The following MYO1B variants were observed in gnomAD, a reference collection of about 807,000 sequenced individuals.
MYO1B encodes the protein unconventional myosin-Ib.
In MYO1B, 72 loss-of-function variants were observed where a neutral mutation model predicts 159.7. The observed-to-expected ratio is 0.45, with a 90% CI of 0.37 to 0.55. The LOEUF (loss-of-function observed/expected upper bound fraction) is 0.55, where lower values mean the gene tolerates loss of function less well. MYO1B is among the 20% of genes least tolerant of loss of function. MYO1B has a pLI of 0.00. For missense variants in MYO1B, 1,062 were observed against 1,364.8 expected (o/e 0.78, Z 3.50); for synonymous variants, 468 against 473.8 (o/e 0.99, Z 0.16).
intron 1 of MYO1B, among the ~76,000 whole-genome samples, chr2:191,251,512 G>A (rs779246307): frequency 1.3e-5 from 2 of 152,212 alleles, no homozygotes; most frequent in African/African-American, 4.8e-5. Context: ...GATAGCTTAA[G>A]AGAGGCTTAA....
At chr2:191,395,262 C>A (rs1430511923) in intron 20 of MYO1B, among the ~76,000 whole-genome samples, 1 of 152,082 alleles carries the variant, frequency 6.6e-6, no homozygotes, top group African/African-American at 2.4e-5. Context: ...AGAGATTTTC[C>A]ACCTCTTCAT....
rs984835460 is a variant in MYO1B at position 191,330,008 on chromosome 2, G to A, written c.325G>A (p.Glu109Lys). 9 of 1,612,044 alleles carry A rather than the reference G, an allele frequency of 5.6e-6. No homozygotes were observed. The highest frequency in any genetic ancestry group is 7.6e-6 in the Non-Finnish European group (9 of 1,178,740). ...DKDQCILITG[E>K]SGAGKTEASK... ...GGACCAATGTATTCTCATTACTGGG[G>A]AAAGTGGAGCAGGAAAAACAGGTAA... The change falls in exon 4 of 31, where the codon GAA becomes AAA. Residue 109 changes from glutamate (E) to lysine (K), a missense_variant. Glu to Lys is a moderately conservative substitution (Grantham distance 56). Coordinates refer to ENST00000392318, the MANE Select transcript of MYO1B (RefSeq NM_001130158.3).
chr2:191,360,708 G>GATATCA lies in MYO1B; in HGVS notation c.640_641insATATCA (p.Gly214delinsAspIleSer). On this transcript the variant is annotated protein_altering_variant, in exon 8 of 31. Transcript: ENST00000392318. ...CCATGTGTTCTATCAGCTGCTCTCT[G>GATATCA]GTGCCTCTGAAGAGCTCCTCAGTAA... is the stretch of plus-strand genomic sequence containing the variant. The GATATCA allele has an allele frequency of 6.2e-7, 1 of 1,611,674 alleles. No homozygotes were observed. Among genetic ancestry groups the GATATCA allele is most frequent in the African/African-American group, 1.3e-5 (1 of 74,944 alleles).
At position 191,411,124 on chromosome 2, in the gene MYO1B, T is replaced by A; in HGVS notation, c.2825T>A (p.Leu942Gln). ...CAGAAACTTATTTATGAAGAGAAAC[T>A]AGAAGCCAGTGAACTCTTCAAAGAC... The part of the protein sequence containing the change: ...DQQKLIYEEK[L>Q]EASELFKDKK... The change falls in exon 27 of 31, where the codon CTA becomes CAA. Residue 942 changes from leucine to glutamine, a missense_variant. By Grantham distance (113) the Leu-to-Gln change is moderately radical. This residue lies in a region of MYO1B where 609 missense variants were observed against 744.4 expected (regional missense o/e 0.82). Transcript: ENST00000392318. 6.2e-7 allele frequency: 1 copy of A among 1,612,564 alleles called. No individual in the cohort carries two copies. Among genetic ancestry groups the A allele is most frequent in the Admixed American group, 1.7e-5 (1 of 59,820 alleles).
chr2:191,392,669 G>C (rs886197912), intron 19 of MYO1B, among the ~76,000 whole-genome samples: 1 of 152,190 alleles, frequency 6.6e-6, no homozygotes, highest in Non-Finnish European at 1.5e-5. Flanking sequence ...GAATAGATGA[G>C]TGTGAAGTGT....
chr2:191,254,242 C>T (rs916947978), intron 1 of MYO1B, among the ~76,000 whole-genome samples: 5 of 152,048 alleles, frequency 3.3e-5, no homozygotes, highest in African/African-American at 1.2e-4. Flanking sequence ...GACAGAGTTT[C>T]GCTCTTGCTG....
intron 1 of MYO1B, among the ~76,000 whole-genome samples, chr2:191,274,382 A>G (rs1288759879): frequency 6.6e-6 from 1 of 152,224 alleles, no homozygotes; most frequent in Non-Finnish European, 1.5e-5. Flanking sequence ...AATTACAGAG[A>G]AAGATTGGCT....
chr2:191,384,522 AT>A (rs1171341739), intron 15 of MYO1B, among the ~76,000 whole-genome samples: 1 of 152,252 alleles, frequency 6.6e-6, no homozygotes, highest in East Asian at 1.9e-4. Context: ...TCAATAAGAA[AT>A]AAACTGTGTT....
Position 191,364,394 on chromosome 2 carries a change from C to T in MYO1B, c.1032+118C>T, listed in dbSNP as rs181795049. ...TACCTGAATCGTACTATGTTCTAGGCATTGGGAACAGAGCAGTAAACTAAA... is the reference window on the plus strand; with the variant it reads ...TACCTGAATCGTACTATGTTCTAGGTATTGGGAACAGAGCAGTAAACTAAA... On this transcript the variant is annotated intron_variant, in intron 11 of 30. Coordinates refer to ENST00000392318, the MANE Select transcript of MYO1B (RefSeq NM_001130158.3). 3 of 773,610 alleles carry T rather than the reference C, an allele frequency of 3.9e-6. No homozygotes were observed. The Admixed American group carries it at 6.6e-5, about 17-fold the overall frequency. The allele number at this position is 773,610 out of a possible 1,614,324, so 47.9% of individuals were successfully genotyped here.
At chr2:191,324,138 A>G (rs1690905342) in intron 3 of MYO1B, among the ~76,000 whole-genome samples, 1 of 152,072 alleles carries the variant, frequency 6.6e-6, no homozygotes, top group Non-Finnish European at 1.5e-5. Flanking sequence ...ATGATTTTAT[A>G]TTTTAAATGT....
At chr2:191,304,100 A>T (rs928077973) in intron 3 of MYO1B, among the ~76,000 whole-genome samples, 5 of 152,198 alleles carry the variant, frequency 3.3e-5, no homozygotes, top group Non-Finnish European at 5.9e-5. Context: ...TGCAATGTCC[A>T]TGTGGTGGTC....
intron 3 of MYO1B, among the ~76,000 whole-genome samples, chr2:191,327,295 A>G (rs112488505): frequency 6.6e-6 from 1 of 152,330 alleles, no homozygotes; most frequent in African/African-American, 2.4e-5. Flanking sequence ...TAAACATGGC[A>G]TAAAGATTAA....
intron 22 of MYO1B, 97 bp downstream of exon 22, chr2:191,400,565 T>C: frequency 7.0e-7 from 1 of 1,418,556 alleles, no homozygotes; most frequent in Non-Finnish European, 9.9e-7. Flanking sequence ...TTCACTGGCT[T>C]GAGCTACTGA....
intron 2 of MYO1B, among the ~76,000 whole-genome samples, chr2:191,291,479 T>C (rs1038954937): frequency 6.6e-6 from 1 of 152,200 alleles, no homozygotes; most frequent in Non-Finnish European, 1.5e-5. Context: ...TTTGCTTCTC[T>C]TCCCTCCCAC....
intron 1 of MYO1B, among the ~76,000 whole-genome samples, chr2:191,254,768 G>A (rs1442657136): frequency 6.6e-6 from 1 of 151,886 alleles, no homozygotes. Flanking sequence ...TGGGATTACA[G>A]GTGTAAGTCA....
At chr2:191,415,342 T>G (rs1697494479) in intron 29 of MYO1B, among the ~76,000 whole-genome samples, 1 of 152,168 alleles carries the variant, frequency 6.6e-6, no homozygotes, top group African/African-American at 2.4e-5. Context: ...TAGGGACATG[T>G]GTCTAGCTAA....
chr2:191,383,547 CAT>C (rs1177171872), intron 15 of MYO1B, among the ~76,000 whole-genome samples: 274 of 14,480 alleles, frequency 0.019, 2 homozygotes, highest in South Asian at 0.15. Context: ...CACACACACA[CAT>C]ATATATATAT....
At chr2:191,410,111 C>G (rs1218178874) in intron 26 of MYO1B, among the ~76,000 whole-genome samples, 1 of 152,170 alleles carries the variant, frequency 6.6e-6, no homozygotes. Flanking sequence ...GTTCATGAAC[C>G]TCTTAATGGC....
At chr2:191,258,563 T>A (rs1431017509) in intron 1 of MYO1B, among the ~76,000 whole-genome samples, 1 of 152,234 alleles carries the variant, frequency 6.6e-6, no homozygotes, top group Non-Finnish European at 1.5e-5. Flanking sequence ...TTTAAACTTA[T>A]GGGACCTCCA....
Sources: gnomAD v4.1 joint callset for allele counts (sites outside exome capture counted in the v4.1 genomes callset) on GRCh38, gnomAD v4.1.1 for gene constraint, gnomAD v4.1.1 regional missense constraint, MANE v1.5 for transcripts, NCBI Gene and HGNC (gene_info 2026-07-23, HGNC 2026-07-21) for gene names.